The following OR6N1 variants were observed in gnomAD, a reference collection of about 807,000 sequenced individuals.
The protein encoded by OR6N1 is olfactory receptor family 6 subfamily N member 1.
For synonymous variants in OR6N1, 170 were observed against 150.7 expected, an observed-to-expected ratio of 1.13 and a Z score of -0.94; for missense variants, 394 against 371.7, an observed-to-expected ratio of 1.06 and a Z score of -0.49.
the OR6N1 span, among the ~76,000 whole-genome samples, chr1:158,833,969 G>T: frequency 1.3e-5 from 2 of 152,006 alleles, no homozygotes; most frequent in African/African-American, 2.4e-5. Flanking sequence ...TCCTACCAAT[G>T]ATGTACAAGG....
chr1:158,823,981 A>C, the OR6N1 span, among the ~76,000 whole-genome samples: 1 of 152,210 alleles, frequency 6.6e-6, no homozygotes, highest in Non-Finnish European at 1.5e-5. Flanking sequence ...AAGGTCAATC[A>C]GGAGCAAGTT....
chr1:158,777,402 G>A, the OR6N1 span: 2 of 1,614,006 alleles, frequency 1.2e-6, no homozygotes, highest in African/African-American at 2.7e-5. Flanking sequence ...ACATCTTAGG[G>A]ATAGTGGTAG....
At chr1:158,795,781 C>T in the OR6N1 span, among the ~76,000 whole-genome samples, 1 of 152,198 alleles carries the variant, frequency 6.6e-6, no homozygotes, top group African/African-American at 2.4e-5. Flanking sequence ...TGACAGCGGT[C>T]TCCCCACTTC....
At chr1:158,825,344 C>G in the OR6N1 span, among the ~76,000 whole-genome samples, 1 of 151,734 alleles carries the variant, frequency 6.6e-6, no homozygotes, top group Non-Finnish European at 1.5e-5. Context: ...GAGGCTGAGG[C>G]AGGAGAATGG....
At chr1:158,806,241 C>T in the OR6N1 span, among the ~76,000 whole-genome samples, 2 of 152,138 alleles carry the variant, frequency 1.3e-5, no homozygotes, top group Non-Finnish European at 2.9e-5. Context: ...TGGGAAACAG[C>T]ATAGACTTCT....
chr1:158,832,910 T>G, the OR6N1 span, among the ~76,000 whole-genome samples: 1 of 152,108 alleles, frequency 6.6e-6, no homozygotes, highest in Non-Finnish European at 1.5e-5. Flanking sequence ...AAGGTATATA[T>G]TTTAACTTGG....
Position 158,764,858 on chromosome 1 carries a change from G to A in OR6N1, c.*886C>T, listed in dbSNP as rs1418779521. The A allele has an allele frequency of 6.6e-6, 1 of 151,982 alleles. No homozygotes were observed. The highest frequency in any genetic ancestry group is 1.5e-5 in the Non-Finnish European group (1 of 67,968). The allele number at this position is 151,982 out of a possible 1,614,324, so 9.4% of individuals were successfully genotyped here. ...TGGCCATAGATATTAGGACCACTAA[G>A]ACAGGTACATGAAACTTGTCAGAAC... is the stretch of plus-strand genomic sequence containing the variant. On this transcript the variant is annotated 3_prime_UTR_variant, in exon 2 of 2. Coordinates refer to ENST00000641846, the MANE Select transcript of OR6N1 (RefSeq NM_001005185.2).
chr1:158,769,048 G>A (rs1657347310), intron 1 of OR6N1, among the ~76,000 whole-genome samples: 2 of 152,142 alleles, frequency 1.3e-5, no homozygotes, highest in Admixed American at 6.6e-5. Flanking sequence ...AAATATTTAT[G>A]TAATTAATAT....
the OR6N1 span, among the ~76,000 whole-genome samples, chr1:158,795,593 T>C: frequency 3.9e-5 from 6 of 152,218 alleles, no homozygotes; most frequent in Non-Finnish European, 1.5e-5. Flanking sequence ...CAGTGGCATC[T>C]GGGAGTGCAT....
At chr1:158,827,639 T>C in the OR6N1 span, among the ~76,000 whole-genome samples, 10 of 152,298 alleles carry the variant, frequency 6.6e-5, no homozygotes, top group East Asian at 9.6e-4. Context: ...AGAACAGTAA[T>C]GATCCTAGCA....
the OR6N1 span, among the ~76,000 whole-genome samples, chr1:158,810,242 G>T: frequency 4.3e-4 from 65 of 152,200 alleles, no homozygotes; most frequent in African/African-American, 1.6e-3. Flanking sequence ...CATTCAGGAA[G>T]GTCCAAAGCC....
the OR6N1 span, among the ~76,000 whole-genome samples, chr1:158,789,166 A>G: frequency 6.6e-6 from 1 of 152,278 alleles, no homozygotes; most frequent in Admixed American, 6.5e-5. Flanking sequence ...GTTGCTGCAA[A>G]TGACAAGATT....
At chr1:158,795,631 C>T in the OR6N1 span, among the ~76,000 whole-genome samples, 12 of 152,290 alleles carry the variant, frequency 7.9e-5, no homozygotes, top group South Asian at 2.5e-3. Context: ...GTTGTTCCTT[C>T]TCATATTTTG....
the OR6N1 span, among the ~76,000 whole-genome samples, chr1:158,827,877 A>G: frequency 3.9e-5 from 6 of 152,178 alleles, no homozygotes; most frequent in Admixed American, 1.3e-4. Context: ...CAAGAAGTTT[A>G]TTGGACTTAC....
Position 158,766,021 on chromosome 1 carries a change from A to T in OR6N1, c.662T>A (p.Ile221Asn), listed in dbSNP as rs749631367. The T allele has an allele frequency of 3.7e-6, 6 of 1,614,062 alleles. No individual in the cohort carries two copies. In the Admixed American group the frequency reaches 8.3e-5, roughly 22 times the overall value. Residue 221 changes from isoleucine (I) to asparagine (N), a missense_variant, in exon 2 of 2, where the codon ATC becomes AAC. Transcript: ENST00000641846. ...GGGAATTCTGAGCACTGTGCAGATG[A>T]TCTGCACATAGGAGCAGAGGATCAG... Reference protein sequence around the residue: ...FLLILCSYVQIICTVLRIPSA... With the variant: ...FLLILCSYVQNICTVLRIPSA...
chr1:158,832,675 A>T, the OR6N1 span, among the ~76,000 whole-genome samples: 1 of 151,748 alleles, frequency 6.6e-6, no homozygotes, highest in Non-Finnish European at 1.5e-5. Flanking sequence ...CTATGTACTG[A>T]TACTTATTGA....
chr1:158,830,169 A>G, the OR6N1 span, among the ~76,000 whole-genome samples: 1 of 152,166 alleles, frequency 6.6e-6, no homozygotes, highest in Non-Finnish European at 1.5e-5. Context: ...GTTCCCAAAC[A>G]CTGAAGTGGG....
the OR6N1 span, among the ~76,000 whole-genome samples, chr1:158,810,350 C>T: frequency 1.1e-4 from 16 of 152,112 alleles, no homozygotes; most frequent in Non-Finnish European, 2.1e-4. Flanking sequence ...TAGCATTCTC[C>T]TCGGCATCCT....
At chr1:158,784,658 T>C in the OR6N1 span, among the ~76,000 whole-genome samples, 1 of 152,236 alleles carries the variant, frequency 6.6e-6, no homozygotes, top group Admixed American at 6.5e-5. Context: ...CACATACGAA[T>C]AATATTATGT....
Sources: allele counts gnomAD v4.1 joint callset (sites outside exome capture counted in the v4.1 genomes callset), GRCh38; gene constraint gnomAD v4.1.1; transcripts MANE v1.5; gene names NCBI Gene and HGNC (gene_info 2026-07-23, HGNC 2026-07-21).